Variants in CDIN1 observed in about 807,000 individuals in gnomAD.
The protein encoded by CDIN1 is CDAN1-interacting nuclease 1.
Under a neutral mutation model 45.3 loss-of-function variants are expected in CDIN1, and 33 were observed. The observed-to-expected ratio is 0.73, with a 90% CI of 0.55 to 0.97. The LOEUF is 0.97. Ranked by LOEUF, CDIN1 falls within the 50% of genes least tolerant of loss-of-function variation. The probability of loss-of-function intolerance (pLI) is 0.00; values close to 1 mark genes in which losing one functional copy is unlikely to be tolerated. For synonymous variants in CDIN1, 118 were observed against 124.4 expected, an observed-to-expected ratio of 0.95 and a Z score of 0.34; for missense variants, 303 against 339.4, an observed-to-expected ratio of 0.89 and a Z score of 0.84.
At chr15:36,726,036 G>T (rs1467873050) in intron 10 of CDIN1, among the ~76,000 whole-genome samples, 1 of 152,124 alleles carries the variant, frequency 6.6e-6, no homozygotes, top group African/African-American at 2.4e-5. Context: ...AAGTATTTCA[G>T]TGGTTTTGTT....
Position 36,579,906 on chromosome 15 carries a change from G to C in CDIN1, c.46G>C (p.Val16Leu). The change falls in exon 1 of 11, where the codon GTG becomes CTG. Residue 16 changes from valine to leucine, a missense_variant. Physicochemically the swap from Val to Leu is conservative, Grantham distance 32 (BLOSUM62 1). Transcript: ENST00000566621. ...GTACGACGAGATAGCCCAGTGCCTA[G>C]TGTCTGTGCCGCCTACCAGGCAGAG... ...AQYDEIAQCL[V>L]SVPPTRQSLR... 1 of 1,614,000 alleles carries C rather than the reference G, an allele frequency of 6.2e-7. No individual in the cohort carries two copies. Among genetic ancestry groups the C allele is most frequent in the Non-Finnish European group, 8.5e-7 (1 of 1,179,894 alleles).
chr15:36,725,847 G>A (rs2043603527), intron 10 of CDIN1, among the ~76,000 whole-genome samples: 1 of 150,928 alleles, frequency 6.6e-6, no homozygotes, highest in Non-Finnish European at 1.5e-5. Context: ...AATAACCTAA[G>A]TGCTTTAAAA....
Position 36,697,320 on chromosome 15 carries a change from CAGTG to C in CDIN1, c.477-2_478del. ...TGTTACCCCCTTAACTGAAACTTCC[CAGTG>C]CCATTGGTCATGAGCATGAGGTCCT... On this transcript the variant is annotated splice_acceptor_variant and coding_sequence_variant, in exon 8 of 11. Coordinates refer to ENST00000566621, the MANE Select transcript of CDIN1 (RefSeq NM_001321759.2). LOFTEE classifies it high-confidence loss of function. The C allele has an allele frequency of 6.2e-7, 1 of 1,612,184 alleles. No homozygotes were observed. Among genetic ancestry groups the C allele is most frequent in the East Asian group, 2.2e-5 (1 of 44,796 alleles).
rs973599984 is a variant in CDIN1, at chr15:36,613,485, C to T, written c.102-30793C>T. 12 of 1,550,968 alleles carry T rather than the reference C, an allele frequency of 7.7e-6. No individual in the cohort carries two copies. In the African/African-American group the frequency reaches 1.5e-4, roughly 19 times the overall value. ...TAGGTGGGCACCATGGCTGGGATCA[C>T]CACCATCAAGGCGGTGAAGCGCAAG... On this transcript the variant is annotated intron_variant, in intron 1 of 10. Transcript: ENST00000566621.
chr15:36,765,089 T>G (rs993554584), intron 10 of CDIN1, among the ~76,000 whole-genome samples: 1 of 146,478 alleles, frequency 6.8e-6, no homozygotes, highest in Non-Finnish European at 1.5e-5. Flanking sequence ...GGAGTCTCGC[T>G]CCGTCATTCA....
intron 1 of CDIN1, among the ~76,000 whole-genome samples, chr15:36,613,240 A>G (rs1357008024): frequency 6.6e-6 from 1 of 152,176 alleles, no homozygotes; most frequent in African/African-American, 2.4e-5. Flanking sequence ...TGTGTTTGGT[A>G]TGCGGGTGTG....
intron 10 of CDIN1, among the ~76,000 whole-genome samples, chr15:36,753,268 G>A (rs924970002): frequency 1.3e-5 from 2 of 152,072 alleles, no homozygotes; most frequent in Non-Finnish European, 2.9e-5. Flanking sequence ...AGTGCTCAGC[G>A]CTAGTTCACA....
intron 1 of CDIN1, among the ~76,000 whole-genome samples, chr15:36,581,693 C>A (rs577588278): frequency 9.7e-4 from 147 of 152,276 alleles, no homozygotes; most frequent in Non-Finnish European, 1.6e-3. Context: ...GACTGGGCAA[C>A]GTAGCAAAAC....
intron 10 of CDIN1, among the ~76,000 whole-genome samples, chr15:36,769,300 G>C (rs1360055445): frequency 6.6e-6 from 1 of 152,146 alleles, no homozygotes; most frequent in Non-Finnish European, 1.5e-5. Flanking sequence ...TCACAGGATA[G>C]GCCGGCAGAC....
intron 5 of CDIN1, chr15:36,691,415 A>G (rs2042247185): frequency 2.9e-6 from 1 of 345,262 alleles, no homozygotes; most frequent in African/African-American, 2.2e-5. Context: ...AAGCTTATTT[A>G]TCTACAAAAG....
At chr15:36,706,967 A>G (rs1264331819) in intron 8 of CDIN1, 10 of 152,266 alleles carry the variant, frequency 6.6e-5, no homozygotes, top group African/African-American at 2.4e-4. Flanking sequence ...AACAGTGAAC[A>G]AGGCCACCTG....
chr15:36,677,506 A>G (rs1321365744), intron 5 of CDIN1, among the ~76,000 whole-genome samples: 1 of 152,146 alleles, frequency 6.6e-6, no homozygotes, highest in Admixed American at 6.6e-5. Flanking sequence ...ATGAGCCTCA[A>G]TCTACTTCCA....
chr15:36,707,786 C>G (rs2042922695), intron 8 of CDIN1: 2 of 152,166 alleles, frequency 1.3e-5, no homozygotes, highest in Admixed American at 6.6e-5. Context: ...ATTAAATATT[C>G]TCATTGTGGT....
intron 5 of CDIN1, among the ~76,000 whole-genome samples, chr15:36,684,895 A>C (rs1027744735): frequency 2.0e-5 from 3 of 149,276 alleles, no homozygotes; most frequent in African/African-American, 7.3e-5. Flanking sequence ...CTCTGATGGT[A>C]GTTTGTATTT....
Position 36,702,147 on chromosome 15 carries a change from G to A in CDIN1, c.544+4757G>A, listed in dbSNP as rs2042668734. ...TATGTAGGCTGAAGGGAATGGAGAT[G>A]GCTGGGTATTTCATAAGGAATCCAC... On this transcript the variant is annotated intron_variant, in intron 8 of 10. Transcript: ENST00000566621. 8.6e-6 allele frequency: 6 copies of A among 701,706 alleles called. No individual in the cohort carries two copies. The Middle Eastern group carries it at 1.1e-3, about 134-fold the overall frequency. 43.5% of individuals were successfully genotyped at this position (701,706 alleles called of 1,614,324 possible). A position where few individuals can be genotyped will look rare whatever the true frequency, so the allele number is the denominator to read the frequency against.
At chr15:36,658,029 A>G in intron 5 of CDIN1, 124 bp downstream of exon 5, 1 of 727,102 alleles carries the variant, frequency 1.4e-6, no homozygotes. Context: ...TGAACAGTTA[A>G]TGACAATTAA....
At chr15:36,658,419 T>C (rs2040863151) in intron 5 of CDIN1, 1 of 152,252 alleles carries the variant, frequency 6.6e-6, no homozygotes, top group Non-Finnish European at 1.5e-5. Context: ...ATTTTCTCTG[T>C]GTCAACTGCA....
At chr15:36,684,996 GTCTA>G (rs1346784914) in intron 5 of CDIN1, among the ~76,000 whole-genome samples, 1 of 152,072 alleles carries the variant, frequency 6.6e-6, no homozygotes, top group Non-Finnish European at 1.5e-5. Context: ...CTTGCTAGCG[GTCTA>G]TCTATTTTGT....
At chr15:36,638,354 A>G (rs1358746850) in intron 1 of CDIN1, among the ~76,000 whole-genome samples, 3 of 152,192 alleles carry the variant, frequency 2.0e-5, no homozygotes, top group Admixed American at 6.5e-5. Flanking sequence ...ATAACTAGGA[A>G]ACTCTTCATT....
Sources: gnomAD v4.1 joint callset for allele counts (sites outside exome capture counted in the v4.1 genomes callset) on GRCh38, gnomAD v4.1.1 for gene constraint, MANE v1.5 for transcripts, NCBI Gene and HGNC (gene_info 2026-07-23, HGNC 2026-07-21) for gene names.